The following PFKFB3 variants were observed in gnomAD, a reference collection of about 807,000 sequenced individuals.
PFKFB3 encodes 6-phosphofructo-2-kinase/fructose-2,6-biphosphatase 3, also known as 6-phosphofructo-2-kinase/fructose-2,6-bisphosphatase 3.
A neutral mutation model predicts 68.0 loss-of-function variants in PFKFB3; 33 were observed. That is an observed-to-expected ratio of 0.49 (90% CI 0.37 to 0.65). The LOEUF (loss-of-function observed/expected upper bound fraction) is 0.65. Ranked by LOEUF, PFKFB3 falls within the 30% of genes least tolerant of loss-of-function variation. The probability of loss-of-function intolerance (pLI) is 0.00; values close to 1 mark genes in which losing one functional copy is unlikely to be tolerated. For synonymous variants in PFKFB3, 315 were observed against 288.2 expected (o/e 1.09, Z -0.94); for missense variants, 586 against 712.2 (o/e 0.82, Z 2.02).
downstream of PFKFB3, among the ~76,000 whole-genome samples, chr10:6,257,208 G>T (rs1588574203): frequency 6.6e-6 from 1 of 152,258 alleles, no homozygotes; most frequent in East Asian, 1.9e-4. Flanking sequence ...GTCATACAAA[G>T]AACCCTTTCT....
chr10:6,210,356 GTTTTTTTGT>G (rs1844098810), intron 1 of PFKFB3, among the ~76,000 whole-genome samples: 5 of 44,476 alleles, frequency 1.1e-4, no homozygotes, highest in African/African-American at 2.3e-4. Flanking sequence ...GTTTTTTTTT[GTTTTTTTGT>G]TTTTTTTTTT....
At chr10:6,158,291 A>AAAAT (rs1304412702) in intron 1 of PFKFB3, among the ~76,000 whole-genome samples, 258 of 151,920 alleles carry the variant, frequency 1.7e-3, no homozygotes, top group African/African-American at 5.7e-3. Context: ...CTCCATCTTA[A>AAAAT]AAATAAATAA....
chr10:6,173,984 G>A (rs1842385991), intron 1 of PFKFB3, among the ~76,000 whole-genome samples: 1 of 152,088 alleles, frequency 6.6e-6, no homozygotes, highest in South Asian at 2.1e-4. Flanking sequence ...AATTTAATCC[G>A]CACAGATAGT....
chr10:6,222,638 T>C, intron 10 of PFKFB3: 1 of 417,586 alleles, frequency 2.4e-6, no homozygotes, highest in Non-Finnish European at 4.3e-6. Flanking sequence ...AGCATTGAGT[T>C]TTCCAGGTTC....
intron 1 of PFKFB3, among the ~76,000 whole-genome samples, chr10:6,211,086 T>C (rs967185758): frequency 4.6e-5 from 7 of 152,200 alleles, no homozygotes; most frequent in Non-Finnish European, 8.8e-5. Context: ...CTTTGAATCT[T>C]ACTATGCGAC....
intron 1 of PFKFB3, among the ~76,000 whole-genome samples, chr10:6,167,829 T>A (rs1185010070): frequency 6.6e-6 from 1 of 152,136 alleles, no homozygotes; most frequent in Non-Finnish European, 1.5e-5. Flanking sequence ...CGCCCTTAGG[T>A]GTTAAGGAAT....
At chr10:6,213,508 C>A (rs1844365252) in intron 1 of PFKFB3, 115 bp from the exon 2 acceptor site, 6 of 1,259,780 alleles carry the variant, frequency 4.8e-6, no homozygotes, top group South Asian at 1.4e-5. Flanking sequence ...CAGAGTGAGA[C>A]CCTGTCTCAA....
At chr10:6,183,563 T>C (rs1842776950) in intron 1 of PFKFB3, among the ~76,000 whole-genome samples, 1 of 139,972 alleles carries the variant, frequency 7.1e-6, no homozygotes. Context: ...CTGAGGCAGG[T>C]GAATCACCTG....
At chr10:6,224,095 G>A (rs1845157782) in intron 12 of PFKFB3, 54 bp from the exon 13 acceptor site, 1 of 1,611,886 alleles carries the variant, frequency 6.2e-7, no homozygotes, top group South Asian at 1.1e-5. Context: ...TGGGCTGTAA[G>A]CGGTGCTGTC....
chr10:6,165,192 C>G (rs975969547), intron 1 of PFKFB3, among the ~76,000 whole-genome samples: 1 of 152,098 alleles, frequency 6.6e-6, no homozygotes. Flanking sequence ...CCTGGTTAAT[C>G]GAGAATGGAG....
chr10:6,296,445 T>G, the PFKFB3 span, among the ~76,000 whole-genome samples: 785 of 152,296 alleles, frequency 5.2e-3, 4 homozygotes, highest in Middle Eastern at 0.014. Flanking sequence ...ATCCATAGAA[T>G]AAAGTGAAAG....
At chr10:6,251,522 C>T (rs914525563) in intron 14 of PFKFB3, among the ~76,000 whole-genome samples, 3 of 152,196 alleles carry the variant, frequency 2.0e-5, no homozygotes, top group African/African-American at 7.2e-5. Flanking sequence ...AAAACTATTC[C>T]TATTAGGCAT....
At chr10:6,182,389 T>C (rs1240192154) in intron 1 of PFKFB3, among the ~76,000 whole-genome samples, 1 of 152,204 alleles carries the variant, frequency 6.6e-6, no homozygotes, top group Non-Finnish European at 1.5e-5. Context: ...CAAGTTGTCC[T>C]GCACCTAAGA....
At chr10:6,321,352 C>T in the PFKFB3 span, among the ~76,000 whole-genome samples, 1 of 149,108 alleles carries the variant, frequency 6.7e-6, no homozygotes, top group Non-Finnish European at 1.5e-5. Context: ...TTTAAGTTCT[C>T]AGTTTTTCTT....
At chr10:6,158,257 C>T (rs943110740) in intron 1 of PFKFB3, among the ~76,000 whole-genome samples, 1 of 151,718 alleles carries the variant, frequency 6.6e-6, no homozygotes, top group Admixed American at 6.6e-5. Context: ...CCACTGCACT[C>T]CAGCCTGGGG....
rs1362027130 is a variant in PFKFB3 at position 6,187,837 on chromosome 10, TTC to T, written c.17-25785_17-25784del. Among the ~76,000 whole-genome samples, 8 of 152,168 alleles carry T rather than the reference TTC, an allele frequency of 5.3e-5. 1 individual carries two copies. Among genetic ancestry groups the T allele is most frequent in the Non-Finnish European group, 1.0e-4 (7 of 68,034 alleles). On this transcript the variant is annotated intron_variant, in intron 1 of 14. Coordinates refer to the PFKFB3 transcript ENST00000379789. ...CTGAGTTTTAGCTGTTTTGAAATAA[TTC>T]CAGACTTAATAGAAAAGTTGCAGAA...
At chr10:6,286,564 G>T in the PFKFB3 span, among the ~76,000 whole-genome samples, 1 of 151,944 alleles carries the variant, frequency 6.6e-6, no homozygotes, top group Non-Finnish European at 1.5e-5. Flanking sequence ...TTTTAGTAAA[G>T]ATGGGGTCTC....
rs960186693 is a variant in PFKFB3, at chr10:6,220,460, A to T, written c.624-198A>T. ...CTCCCCCTTTTCTGGGAGGCAGGCC[A>T]GCCTCACAGCCAGACACCAGCTGTG... On this transcript the variant is annotated intron_variant, in intron 7 of 14. Transcript: ENST00000379775. This position sits in a 1 kb window ranked among gnomAD's most constrained non-coding sequence, Gnocchi z 4.1. Among the ~76,000 whole-genome samples, 10 of 152,092 alleles carry T rather than the reference A, an allele frequency of 6.6e-5. No individual in the cohort carries two copies. Among genetic ancestry groups the T allele is most frequent in the Non-Finnish European group, 1.3e-4 (9 of 68,000 alleles).
At chr10:6,275,074 G>A in the PFKFB3 span, among the ~76,000 whole-genome samples, 1 of 152,150 alleles carries the variant, frequency 6.6e-6, no homozygotes, top group Non-Finnish European at 1.5e-5. The surrounding 1 kb of genome is among the most constrained non-coding windows in gnomAD (Gnocchi z 4.9). Context: ...GACTTTTGGG[G>A]TCTGTGGTTA....
Sources: gnomAD v4.1 joint callset for allele counts (sites outside exome capture counted in the v4.1 genomes callset) on GRCh38, gnomAD v4.1.1 for gene constraint, Gnocchi (gnomAD v3.1) non-coding constraint, MANE v1.5 for transcripts, NCBI Gene and HGNC (gene_info 2026-07-23, HGNC 2026-07-21) for gene names.